The following PALS2 variants were observed in gnomAD, a reference collection of about 807,000 sequenced individuals.
The protein encoded by PALS2 is protein PALS2.
Under a neutral mutation model 61.6 loss-of-function variants are expected in PALS2, and 27 were observed. That is an observed-to-expected ratio of 0.44 (90% confidence interval 0.32 to 0.60). The LOEUF is 0.60. PALS2 is among the 20% of genes least tolerant of loss of function. The pLI, the probability that PALS2 is intolerant of heterozygous loss-of-function variation, is 0.05. For synonymous variants in PALS2, 236 were observed against 218.6 expected, an observed-to-expected ratio of 1.08 and a Z score of -0.70; for missense variants, 554 against 639.4, an observed-to-expected ratio of 0.87 and a Z score of 1.44.
chr7:24,584,621 A>T (rs987402584), intron 1 of PALS2, among the ~76,000 whole-genome samples: 2 of 151,068 alleles, frequency 1.3e-5, no homozygotes, highest in Non-Finnish European at 2.9e-5. Context: ...TTGCCTGTTC[A>T]CTCTGATGGT....
intron 1 of PALS2, among the ~76,000 whole-genome samples, chr7:24,607,739 A>C (rs1783970778): frequency 6.6e-6 from 1 of 151,910 alleles, no homozygotes; most frequent in African/African-American, 2.4e-5. Context: ...CAACTGCAGA[A>C]ATGGAAGCAG....
At chr7:24,612,445 A>G (rs1211672828) in intron 1 of PALS2, among the ~76,000 whole-genome samples, 1 of 151,826 alleles carries the variant, frequency 6.6e-6, no homozygotes, top group South Asian at 2.1e-4. Context: ...TTTAGGATAA[A>G]TTTACCCAAA....
At chr7:24,616,287 A>G (rs368384720) in intron 1 of PALS2, among the ~76,000 whole-genome samples, 2 of 152,266 alleles carry the variant, frequency 1.3e-5, no homozygotes, top group East Asian at 3.9e-4. Context: ...TGATCTTACA[A>G]TAAAGAAAAG....
chr7:24,614,791 C>T (rs1562615317), intron 1 of PALS2, among the ~76,000 whole-genome samples: 1 of 151,790 alleles, frequency 6.6e-6, no homozygotes, highest in Non-Finnish European at 1.5e-5. Context: ...ACATTTTTTT[C>T]GTCAGCACAT....
At chr7:24,599,175 A>G (rs986628679) in intron 1 of PALS2, among the ~76,000 whole-genome samples, 1 of 152,170 alleles carries the variant, frequency 6.6e-6, no homozygotes, top group Non-Finnish European at 1.5e-5. Context: ...TCTGTTATAC[A>G]TGTGGGCTAT....
intron 2 of PALS2, among the ~76,000 whole-genome samples, chr7:24,626,444 C>G (rs1238460089): frequency 2.6e-5 from 4 of 152,066 alleles, no homozygotes; most frequent in African/African-American, 9.7e-5. Context: ...ACTTTATTCC[C>G]CTTTGCAGTT....
At chr7:24,581,031 G>A (rs562063024) in intron 1 of PALS2, among the ~76,000 whole-genome samples, 5 of 152,226 alleles carry the variant, frequency 3.3e-5, no homozygotes, top group South Asian at 4.1e-4. Flanking sequence ...ATTCTCTTAC[G>A]ATTCTGAAGG....
chr7:24,584,552 C>G (rs1413068616), intron 1 of PALS2, among the ~76,000 whole-genome samples: 144 of 149,618 alleles, frequency 9.6e-4, no homozygotes, highest in Non-Finnish European at 1.8e-3. Context: ...ATTGTAGATT[C>G]TGGATATTAG....
intron 1 of PALS2, among the ~76,000 whole-genome samples, chr7:24,595,008 A>G (rs1335113012): frequency 6.6e-6 from 1 of 152,108 alleles, no homozygotes; most frequent in African/African-American, 2.4e-5. Flanking sequence ...TAAAAACAGT[A>G]TCTGTGAAGC....
chr7:24,656,052 T>C (rs116553256), intron 5 of PALS2, among the ~76,000 whole-genome samples: 7 of 152,212 alleles, frequency 4.6e-5, no homozygotes, highest in African/African-American at 1.7e-4. Flanking sequence ...CATCCTTCCT[T>C]GATCATCTCA....
chr7:24,617,839 C>T (rs920280219), intron 1 of PALS2, among the ~76,000 whole-genome samples: 1 of 152,144 alleles, frequency 6.6e-6, no homozygotes, highest in African/African-American at 2.4e-5. Context: ...TGGGCACATG[C>T]CTGCTTGGCT....
intron 1 of PALS2, among the ~76,000 whole-genome samples, chr7:24,603,727 AG>A (rs1341329020): frequency 6.6e-6 from 1 of 152,216 alleles, no homozygotes; most frequent in East Asian, 1.9e-4. Context: ...CAACCCCAAG[AG>A]AGTCAGACTA....
chr7:24,638,403 T>G (rs1187559199), intron 2 of PALS2, among the ~76,000 whole-genome samples: 1 of 65,680 alleles, frequency 1.5e-5, no homozygotes, highest in Admixed American at 1.5e-4. Context: ...GGATCTCGGC[T>G]CACTGCAAGC....
chr7:24,596,383 GTATATA>G lies in PALS2; in HGVS notation c.-3+22795_-3+22800del, dbSNP rs374298214. Among the ~76,000 whole-genome samples the G allele has an allele frequency of 1.3e-5, 2 of 152,022 alleles. No individual in the cohort carries two copies. Among genetic ancestry groups the G allele is most frequent in the Non-Finnish European group, 2.9e-5 (2 of 67,996 alleles). ...TTATGAATTCTAGGTATTTTTGTAA[GTATATA>G]TATAAAGTATTATTTTGAAAACAGA... On this transcript the variant is annotated intron_variant, in intron 1 of 11. Coordinates refer to ENST00000222644, the MANE Select transcript of PALS2 (RefSeq NM_001303037.2). The surrounding 1 kb of genome is among the most constrained non-coding windows in gnomAD (Gnocchi z 4.5).
At chr7:24,615,179 A>G (rs760166704) in intron 1 of PALS2, among the ~76,000 whole-genome samples, 2 of 152,008 alleles carry the variant, frequency 1.3e-5, no homozygotes, top group Non-Finnish European at 2.9e-5. Flanking sequence ...AAATGCCTGC[A>G]TCAAAAAAGG....
chr7:24,639,272 A>T (rs1239876986), intron 2 of PALS2, among the ~76,000 whole-genome samples: 2 of 152,224 alleles, frequency 1.3e-5, no homozygotes, highest in Admixed American at 1.3e-4. Context: ...AATAGATGAG[A>T]GTTCAAGTCT....
chr7:24,610,975 A>G (rs1270442441), intron 1 of PALS2, among the ~76,000 whole-genome samples: 1 of 152,138 alleles, frequency 6.6e-6, no homozygotes, highest in Non-Finnish European at 1.5e-5. Context: ...TTTAGCTGTC[A>G]TATTTTCAAT....
At chr7:24,651,163 G>A (rs911443841) in intron 5 of PALS2, among the ~76,000 whole-genome samples, 2 of 152,132 alleles carry the variant, frequency 1.3e-5, no homozygotes, top group Non-Finnish European at 2.9e-5. Context: ...TGGACCCCTG[G>A]TTTGCACACA....
At chr7:24,590,688 T>C (rs141142356) in intron 1 of PALS2, among the ~76,000 whole-genome samples, 34 of 152,218 alleles carry the variant, frequency 2.2e-4, no homozygotes, top group East Asian at 1.9e-4. Context: ...AAGGTCTAAG[T>C]TGCATTTTTC....
Sources: gnomAD v4.1 joint callset for allele counts (sites outside exome capture counted in the v4.1 genomes callset) on GRCh38, gnomAD v4.1.1 for gene constraint, Gnocchi (gnomAD v3.1) non-coding constraint, MANE v1.5 for transcripts, NCBI Gene and HGNC (gene_info 2026-07-23, HGNC 2026-07-21) for gene names.